The following STXBP4 variants were observed in gnomAD, a reference collection of about 807,000 sequenced individuals.
STXBP4 encodes the protein syntaxin-binding protein 4.
STXBP4 carries 55 observed loss-of-function variants against 76.1 expected under a neutral mutation model. The observed-to-expected ratio is 0.72, with a 90% CI of 0.58 to 0.91. STXBP4 has a LOEUF of 0.91. Ranked by LOEUF, STXBP4 falls within the 40% of genes least tolerant of loss-of-function variation. STXBP4 has a pLI of 0.00. For missense variants in STXBP4, 618 were observed against 636.9 expected, an observed-to-expected ratio of 0.97 and a Z score of 0.32; for synonymous variants, 201 against 220.2, an observed-to-expected ratio of 0.91 and a Z score of 0.77.
intron 4 of STXBP4, among the ~76,000 whole-genome samples, chr17:54,995,216 G>T (rs531465165): frequency 6.6e-6 from 1 of 152,238 alleles, no homozygotes; most frequent in South Asian, 2.1e-4. Flanking sequence ...CATTTCTGAG[G>T]ATTACTGATC....
At chr17:55,001,259 A>G (rs1399711871) in intron 7 of STXBP4, among the ~76,000 whole-genome samples, 1 of 152,228 alleles carries the variant, frequency 6.6e-6, no homozygotes, top group Non-Finnish European at 1.5e-5. Flanking sequence ...ACATTATAGA[A>G]GGGAGCATAC....
chr17:55,189,552 G>A, the STXBP4 span, among the ~76,000 whole-genome samples: 6 of 152,188 alleles, frequency 3.9e-5, no homozygotes, highest in Admixed American at 6.5e-5. Flanking sequence ...TCTCAGAGAC[G>A]AAGTGAGGCC....
intron 15 of STXBP4, among the ~76,000 whole-genome samples, chr17:55,080,695 A>G (rs2079244558): frequency 6.6e-6 from 1 of 152,082 alleles, no homozygotes; most frequent in Admixed American, 6.6e-5. Context: ...ATTCATGTTT[A>G]TATGCTTAAT....
the STXBP4 span, among the ~76,000 whole-genome samples, chr17:55,198,173 T>G: frequency 1.3e-4 from 20 of 152,192 alleles, no homozygotes; most frequent in South Asian, 2.1e-4. Context: ...AAAGTTACAC[T>G]CCTATGCAAA....
chr17:55,041,993 G>C (rs911700148), intron 10 of STXBP4, among the ~76,000 whole-genome samples: 1 of 152,136 alleles, frequency 6.6e-6, no homozygotes, highest in Admixed American at 6.6e-5. Context: ...TGAGAGAGCA[G>C]AGTAACAGAG....
chr17:55,051,811 A>G (rs761318254), intron 12 of STXBP4, among the ~76,000 whole-genome samples: 1 of 152,088 alleles, frequency 6.6e-6, no homozygotes, highest in Non-Finnish European at 1.5e-5. Flanking sequence ...AATTGGATGT[A>G]TCATTGTGAA....
intron 13 of STXBP4, among the ~76,000 whole-genome samples, chr17:55,075,861 T>C (rs1348681078): frequency 1.3e-5 from 2 of 152,248 alleles, no homozygotes; most frequent in East Asian, 1.9e-4. Context: ...GATATCAGGT[T>C]GGTAGCTTGA....
At chr17:54,989,399 G>A (rs1431775248) in intron 3 of STXBP4, among the ~76,000 whole-genome samples, 1 of 152,142 alleles carries the variant, frequency 6.6e-6, no homozygotes, top group African/African-American at 2.4e-5. Flanking sequence ...CCAGCCAGAA[G>A]TATTTCTTTT....
intron 1 of STXBP4, among the ~76,000 whole-genome samples, chr17:54,978,264 C>A (rs1389867341): frequency 6.6e-6 from 1 of 152,040 alleles, no homozygotes; most frequent in Non-Finnish European, 1.5e-5. Flanking sequence ...GAGTAAGTGG[C>A]TGCTCAAAGT....
intron 10 of STXBP4, among the ~76,000 whole-genome samples, chr17:55,036,935 A>G (rs974032421): frequency 2.0e-5 from 3 of 152,140 alleles, no homozygotes; most frequent in African/African-American, 7.2e-5. Flanking sequence ...TATTGAACAA[A>G]TAAGTCTGAC....
chr17:55,053,629 A>G (rs1334444378), intron 12 of STXBP4, among the ~76,000 whole-genome samples: 1 of 152,102 alleles, frequency 6.6e-6, no homozygotes, highest in Non-Finnish European at 1.5e-5. Context: ...TCCAAAGTCA[A>G]GTTTTTTTAA....
intron 17 of STXBP4, among the ~76,000 whole-genome samples, chr17:55,143,025 ATTTC>A (rs1394730725): frequency 6.6e-6 from 1 of 152,176 alleles, no homozygotes; most frequent in African/African-American, 2.4e-5. Flanking sequence ...TCTGTGTTGC[ATTTC>A]TTTCTTTCTC....
chr17:55,075,659 C>G (rs139087407), intron 13 of STXBP4, among the ~76,000 whole-genome samples: 65 of 152,086 alleles, frequency 4.3e-4, no homozygotes, highest in Admixed American at 1.2e-3. Flanking sequence ...TATTGTTTAC[C>G]CCGCATACTT....
In STXBP4 at chr17:55,050,369, TACTC is replaced by T. The variant is rs142466680; in HGVS notation, c.1011+3217_1011+3220del. Reference sequence around the variant, plus strand: ...AATGTCCATTAAACAAATGAAAAGATACTCAATCTCTTTCTCTCATAATAAAAGA... The same window carrying T: ...AATGTCCATTAAACAAATGAAAAGATAATCTCTTTCTCTCATAATAAAAGA... On this transcript the variant is annotated intron_variant, in intron 12 of 17. Transcript: ENST00000376352. Among the ~76,000 whole-genome samples the T allele has an allele frequency of 7.0e-3, 1,072 of 152,214 alleles. 14 individuals carry two copies. Among genetic ancestry groups the T allele is most frequent in the African/African-American group, 0.024 (1,002 of 41,552 alleles).
chr17:55,170,517 C>T lies in STXBP4; in HGVS notation c.*10606C>T, dbSNP rs2080400338. On this transcript the variant is annotated 3_prime_UTR_variant, in exon 18 of 18. Transcript: ENST00000376352. ...GCATACTACTCTACAGTGAGCCTGT[C>T]CTTTATAAGAAAAAATGCTAATGAT... 2 of 151,946 alleles carry T rather than the reference C, an allele frequency of 1.3e-5. No homozygotes were observed. Among genetic ancestry groups the T allele is most frequent in the Non-Finnish European group, 2.9e-5 (2 of 67,950 alleles). The allele number at this position is 151,946 out of a possible 1,614,324, so 9.4% of individuals were successfully genotyped here. A position where few individuals can be genotyped will look rare whatever the true frequency, so the allele number is the denominator to read the frequency against.
intron 12 of STXBP4, among the ~76,000 whole-genome samples, chr17:55,061,621 T>C (rs1276509921): frequency 2.6e-5 from 4 of 152,202 alleles, no homozygotes; most frequent in African/African-American, 9.7e-5. Flanking sequence ...GCTATTCTTT[T>C]ATTGCCACAG....
chr17:55,132,934 T>C (rs1435114127), intron 16 of STXBP4, among the ~76,000 whole-genome samples: 1 of 152,190 alleles, frequency 6.6e-6, no homozygotes, highest in Admixed American at 6.5e-5. Flanking sequence ...ACATACTTGT[T>C]ATGTTCAAGG....
intron 6 of STXBP4, chr17:55,000,236 G>A: frequency 2.0e-6 from 2 of 985,306 alleles, no homozygotes; most frequent in Non-Finnish European, 2.4e-6. Flanking sequence ...ACACAGTGAG[G>A]CTAATCCCAG....
chr17:55,213,119 G>A, the STXBP4 span, among the ~76,000 whole-genome samples: 1 of 151,864 alleles, frequency 6.6e-6, no homozygotes, highest in Admixed American at 6.6e-5. Context: ...GAGAGTAGAT[G>A]CGGTGGTTGG....
Sources: gnomAD v4.1 joint callset for allele counts (sites outside exome capture counted in the v4.1 genomes callset) on GRCh38, gnomAD v4.1.1 for gene constraint, MANE v1.5 for transcripts, NCBI Gene and HGNC (gene_info 2026-07-23, HGNC 2026-07-21) for gene names.